SORCS3: variants seen among roughly 807,000 people sequenced by gnomAD.
SORCS3 encodes the protein VPS10 domain-containing receptor SorCS3.
SORCS3 carries 57 observed loss-of-function variants against 146.3 expected under a neutral mutation model. The observed-to-expected ratio is 0.39, with a 90% CI of 0.31 to 0.49. The LOEUF (loss-of-function observed/expected upper bound fraction) is 0.49. Ranked by LOEUF, SORCS3 falls within the 20% of genes least tolerant of loss-of-function variation. The pLI, the probability that SORCS3 is intolerant of heterozygous loss-of-function variation, is 0.92. For missense variants in SORCS3, 1,341 were observed against 1,575.5 expected, an observed-to-expected ratio of 0.85 and a Z score of 2.52; for synonymous variants, 653 against 618.5, an observed-to-expected ratio of 1.06 and a Z score of -0.83.
At chr10:105,046,772 A>G (rs1242564093) in intron 5 of SORCS3, among the ~76,000 whole-genome samples, 1 of 152,036 alleles carries the variant, frequency 6.6e-6, no homozygotes, top group Non-Finnish European at 1.5e-5. Flanking sequence ...TCAGCCATCA[A>G]TCTCAGGCTA....
At chr10:104,746,304 T>G (rs919208321) in intron 1 of SORCS3, among the ~76,000 whole-genome samples, 1 of 152,002 alleles carries the variant, frequency 6.6e-6, no homozygotes, top group Non-Finnish European at 1.5e-5. Context: ...GCCTGGCTAA[T>G]TTTTTGTATT....
At chr10:104,742,602 A>G (rs2016861273) in intron 1 of SORCS3, among the ~76,000 whole-genome samples, 1 of 152,242 alleles carries the variant, frequency 6.6e-6, no homozygotes, top group Non-Finnish European at 1.5e-5. Context: ...TCAGTCAACA[A>G]CATTGGGCTG....
At chr10:104,813,929 CTTTT>C (rs35625517) in intron 1 of SORCS3, among the ~76,000 whole-genome samples, 7 of 116,144 alleles carry the variant, frequency 6.0e-5, no homozygotes, top group Admixed American at 1.7e-4. Context: ...TCTTTTCTTT[CTTTT>C]TTTTTTTTTT....
intron 2 of SORCS3, among the ~76,000 whole-genome samples, chr10:104,884,495 G>A (rs1589535614): frequency 6.6e-6 from 1 of 152,160 alleles, no homozygotes; most frequent in Non-Finnish European, 1.5e-5. Context: ...TAGGTGCCAG[G>A]GAAAGGATGC....
At chr10:104,790,274 C>G (rs1841273406) in intron 1 of SORCS3, among the ~76,000 whole-genome samples, 1 of 152,096 alleles carries the variant, frequency 6.6e-6, no homozygotes. Flanking sequence ...AAAGGAAGAA[C>G]ATTAACAAAC....
chr10:105,011,725 C>T (rs1428751127), intron 4 of SORCS3, among the ~76,000 whole-genome samples: 1 of 152,084 alleles, frequency 6.6e-6, no homozygotes, highest in African/African-American at 2.4e-5. Context: ...GAGATGGCCT[C>T]CCCTCTTTCC....
chr10:104,696,480 A>AAT (rs2016201121), intron 1 of SORCS3, among the ~76,000 whole-genome samples: 13 of 44,450 alleles, frequency 2.9e-4, no homozygotes, highest in South Asian at 4.8e-4. Context: ...TAGAATATAG[A>AAT]ATATATAATA....
chr10:104,825,296 C>T (rs901133578), intron 1 of SORCS3, among the ~76,000 whole-genome samples: 5 of 152,148 alleles, frequency 3.3e-5, no homozygotes, highest in African/African-American at 7.2e-5. Flanking sequence ...GAATGAAGGG[C>T]GTGATCTTGG....
intron 7 of SORCS3, among the ~76,000 whole-genome samples, chr10:105,108,891 T>G (rs1215725981): frequency 6.6e-6 from 1 of 152,194 alleles, no homozygotes; most frequent in Non-Finnish European, 1.5e-5. Flanking sequence ...AATCCACCTT[T>G]TTCTTCTCAC....
chr10:104,965,942 T>C (rs1179019799), intron 3 of SORCS3, among the ~76,000 whole-genome samples: 1 of 152,102 alleles, frequency 6.6e-6, no homozygotes, highest in African/African-American at 2.4e-5. Flanking sequence ...ATGGCATGCA[T>C]TGTGGCCATA....
At chr10:104,975,801 G>T (rs2054893252) in intron 3 of SORCS3, among the ~76,000 whole-genome samples, 1 of 152,198 alleles carries the variant, frequency 6.6e-6, no homozygotes, top group East Asian at 1.9e-4. Context: ...AGAAAAACCA[G>T]CAATGGGGAA....
At chr10:105,178,016 G>T in intron 13 of SORCS3, 50 bp from the exon 14 acceptor site, 1 of 1,377,034 alleles carries the variant, frequency 7.3e-7, no homozygotes, top group East Asian at 2.3e-5. Flanking sequence ...TTACAGAAGA[G>T]TGTGGCTTTA....
At chr10:104,940,238 A>ATATATATATTT (rs1435205868) in intron 3 of SORCS3, among the ~76,000 whole-genome samples, 33 of 31,472 alleles carry the variant, frequency 1.0e-3, no homozygotes, top group Middle Eastern at 0.023. Context: ...ATATATATAT[A>ATATATATATTT]TTTTTTTTTT....
chr10:104,804,849 T>C (rs1589505556), intron 1 of SORCS3, among the ~76,000 whole-genome samples: 1 of 152,224 alleles, frequency 6.6e-6, no homozygotes, highest in Admixed American at 6.5e-5. Context: ...ATGGACTGGC[T>C]GGTTGGTGTG....
At chr10:104,969,038 A>T (rs2054843068) in intron 3 of SORCS3, among the ~76,000 whole-genome samples, 1 of 152,206 alleles carries the variant, frequency 6.6e-6, no homozygotes, top group African/African-American at 2.4e-5. Flanking sequence ...ATTTGGGTGG[A>T]CATGGGATGA....
intron 25 of SORCS3, among the ~76,000 whole-genome samples, chr10:105,257,609 G>T (rs2056939038): frequency 6.6e-6 from 1 of 152,164 alleles, no homozygotes; most frequent in Non-Finnish European, 1.5e-5. Flanking sequence ...CTAATTAAGA[G>T]TATAAACTCT....
intron 1 of SORCS3, among the ~76,000 whole-genome samples, chr10:104,686,520 G>C (rs1453080772): frequency 6.6e-6 from 1 of 152,160 alleles, no homozygotes; most frequent in Non-Finnish European, 1.5e-5. Context: ...TGAAAAGCCA[G>C]GTCCCTGTGA....
intron 1 of SORCS3, among the ~76,000 whole-genome samples, chr10:104,648,175 T>C (rs545955142): frequency 6.6e-6 from 1 of 152,294 alleles, no homozygotes; most frequent in Admixed American, 6.5e-5. Context: ...CTGTGGGACA[T>C]ACTACAGGAA....
At chr10:105,151,573 A>G (rs791134) in intron 9 of SORCS3, among the ~76,000 whole-genome samples, 5,372 of 152,096 alleles carry the variant, frequency 0.035, 300 homozygotes, top group African/African-American at 0.12. Context: ...AGCCACAGGT[A>G]TATCACTCCA....
Sources: gnomAD v4.1 joint callset for allele counts (sites outside exome capture counted in the v4.1 genomes callset) on GRCh38, gnomAD v4.1.1 for gene constraint, MANE v1.5 for transcripts, NCBI Gene and HGNC (gene_info 2026-07-23, HGNC 2026-07-21) for gene names.